GATA6: variants seen among roughly 807,000 people sequenced by gnomAD.
GATA6 encodes the protein GATA binding protein 6.
Under a neutral mutation model 48.1 loss-of-function variants are expected in GATA6, and 11 were observed. That is an observed-to-expected ratio of 0.23 (90% CI 0.14 to 0.38). The LOEUF is 0.38. GATA6 is among the 10% of genes least tolerant of loss of function. The pLI is 1.00. For missense variants in GATA6, 795 were observed against 850.3 expected, an observed-to-expected ratio of 0.93 and a Z score of 0.81; for synonymous variants, 419 against 396.1, an observed-to-expected ratio of 1.06 and a Z score of -0.69.
rs747871809 is a variant in GATA6 at position 22,171,166 on chromosome 18, T to C, written c.22T>C (p.Trp8Arg). MALTDGG[W>R]CLPKRFGAAG... ...GTGGATGGCCTTGACTGACGGCGGCTGGTGCTTGCCGAAGCGCTTCGGGGC... is the reference window on the plus strand; with the variant it reads ...GTGGATGGCCTTGACTGACGGCGGCCGGTGCTTGCCGAAGCGCTTCGGGGC... Residue 8 changes from tryptophan to arginine, a missense_variant, in exon 2 of 7, where the codon TGG (tryptophan) becomes CGG (arginine). By Grantham distance (101) the Trp-to-Arg change is moderately radical. This residue lies in a region of GATA6 where 591 missense variants were observed against 570.0 expected (regional missense o/e 1.04). Coordinates refer to ENST00000269216, the MANE Select transcript of GATA6 (RefSeq NM_005257.6). The surrounding 1 kb of genome is among the most constrained non-coding windows in gnomAD (Gnocchi z 7.1). 1.1e-5 allele frequency: 18 copies of C among 1,599,922 alleles called. No homozygotes were observed.
At chr18:22,198,397 G>A (rs1263979488) in intron 6 of GATA6, among the ~76,000 whole-genome samples, 1 of 152,176 alleles carries the variant, frequency 6.6e-6, no homozygotes, top group African/African-American at 2.4e-5. Context: ...TGCTGGCTGT[G>A]GTGGTGGTGA....
At chr18:22,195,988 G>A (rs891572425) in intron 6 of GATA6, among the ~76,000 whole-genome samples, 5 of 152,128 alleles carry the variant, frequency 3.3e-5, no homozygotes, top group Admixed American at 6.6e-5. Context: ...GCGAAGTAGG[G>A]TCTAAACTTC....
At chr18:22,199,195 C>T (rs1397661125) in intron 6 of GATA6, among the ~76,000 whole-genome samples, 3 of 152,114 alleles carry the variant, frequency 2.0e-5, no homozygotes, top group African/African-American at 4.8e-5. Context: ...ACTTGCAGGC[C>T]GTGGAGGCTC....
rs1458344666 is a variant in GATA6, at chr18:22,171,929, G to A, written c.785G>A (p.Arg262His). ...AGSAAAHVSA[R>H]FPYSPSPPMA... ...TCAGCCGCGGCGCACGTCTCGGCGC[G>A]CTTCCCCTACTCTCCCAGCCCGCCC... The change falls in exon 2 of 7, where the codon CGC becomes CAC. Residue 262 changes from arginine to histidine, a missense_variant. Coordinates refer to ENST00000269216, the MANE Select transcript of GATA6 (RefSeq NM_005257.6). This position sits in a 1 kb window ranked among gnomAD's most constrained non-coding sequence, Gnocchi z 7.1. 5 of 1,185,152 alleles carry A rather than the reference G, an allele frequency of 4.2e-6. No individual in the cohort carries two copies. In the East Asian group the frequency reaches 1.1e-4, roughly 26 times the overall value. The allele number at this position is 1,185,152 out of a possible 1,614,324, so 73.4% of individuals were successfully genotyped here. A position where few individuals can be genotyped will look rare whatever the true frequency, so the allele number is the denominator to read the frequency against.
intron 2 of GATA6, among the ~76,000 whole-genome samples, chr18:22,176,096 G>GAAT (rs1029489718): frequency 6.6e-6 from 1 of 151,996 alleles, no homozygotes; most frequent in African/African-American, 2.4e-5. Context: ...ACTAACCAAA[G>GAAT]AATAATAATA....
chr18:22,201,994 T>C lies in GATA6; in HGVS notation c.*1171T>C, dbSNP rs1012201467. The C allele has an allele frequency of 3.3e-5, 5 of 152,230 alleles. No individual in the cohort carries two copies. Among genetic ancestry groups the C allele is most frequent in the African/African-American group, 1.2e-4 (5 of 41,468 alleles). 9.4% of individuals were successfully genotyped at this position (152,230 alleles called of 1,614,324 possible). On this transcript the variant is annotated 3_prime_UTR_variant, in exon 7 of 7. Coordinates refer to ENST00000269216, the MANE Select transcript of GATA6 (RefSeq NM_005257.6). ...TTTTGTCTTCTGTACAGTGAGTTCC[T>C]TCCCTTTTCAAAGCTTTCTTTTTAT...
At chr18:22,196,157 A>C (rs2033386488) in intron 6 of GATA6, among the ~76,000 whole-genome samples, 1 of 152,216 alleles carries the variant, frequency 6.6e-6, no homozygotes. Context: ...ATGTACACAT[A>C]AAATAAGGCT....
chr18:22,186,899 A>G (rs1253640424), intron 6 of GATA6, among the ~76,000 whole-genome samples: 2 of 152,180 alleles, frequency 1.3e-5, no homozygotes, highest in Non-Finnish European at 2.9e-5. Context: ...TTGCCACCTT[A>G]TGACTCAGTT....
At position 22,171,258 on chromosome 18, in the gene GATA6, C is replaced by T. The variant is rs2033036391; in HGVS notation, c.114C>T (p.Pro38=). 1 of 1,598,324 alleles carries T rather than the reference C, an allele frequency of 6.3e-7. No individual in the cohort carries two copies. Among genetic ancestry groups the T allele is most frequent in the Non-Finnish European group, 8.5e-7 (1 of 1,178,852 alleles). Residue 38 remains proline, a synonymous_variant, in exon 2 of 7, where the codon CCC becomes CCT. Transcript: ENST00000269216. This position sits in a 1 kb window ranked among gnomAD's most constrained non-coding sequence, Gnocchi z 7.1. ...GGGAGCCCTCCACGCCGCCTTCCCC[C>T]ATCTCTTCCTCGTCCTCCTCCTGCT... The part of the protein sequence containing the change: ...PAREPSTPPS[P]ISSSSSSCSR...
chr18:22,200,117 T>C (rs1483223454), intron 6 of GATA6, among the ~76,000 whole-genome samples: 1 of 152,194 alleles, frequency 6.6e-6, no homozygotes, highest in African/African-American at 2.4e-5. Context: ...AATGTTGAAC[T>C]GTGCAGCTTT....
In GATA6 at chr18:22,201,898, A is replaced by AT. The variant is rs910467998; in HGVS notation, c.*1086dup. ...CCCACAGGCAGGTTGGTTTACATTAATTTTTTTTTTTGAATGGGATGTCCT... is the reference window on the plus strand; with the variant it reads ...CCCACAGGCAGGTTGGTTTACATTAATTTTTTTTTTTTGAATGGGATGTCCT... On this transcript the variant is annotated 3_prime_UTR_variant, in exon 7 of 7. Coordinates refer to ENST00000269216, the MANE Select transcript of GATA6 (RefSeq NM_005257.6). 52 of 149,404 alleles carry AT rather than the reference A, an allele frequency of 3.5e-4. No homozygotes were observed. The highest frequency in any genetic ancestry group is 4.8e-4 in the Non-Finnish European group (32 of 66,982). The allele number at this position is 149,404 out of a possible 1,614,324, so 9.3% of individuals were successfully genotyped here. A position where few individuals can be genotyped will look rare whatever the true frequency, so the allele number is the denominator to read the frequency against.
Position 22,200,541 on chromosome 18 carries a change from G to T in GATA6, c.1621-115G>T, listed in dbSNP as rs760254721. 5 of 1,318,696 alleles carry T rather than the reference G, an allele frequency of 3.8e-6. No homozygotes were observed. In the African/African-American group the frequency reaches 4.3e-5, roughly 11 times the overall value. The allele number at this position is 1,318,696 out of a possible 1,614,324, so 81.7% of individuals were successfully genotyped here. A position where few individuals can be genotyped will look rare whatever the true frequency, so the allele number is the denominator to read the frequency against. On this transcript the variant is annotated intron_variant, in intron 6 of 6. Transcript: ENST00000269216. ...TCTCCTGCCCTGGGTCTGCCCAGGA[G>T]CAGCTCTGGCCCTGGCTGCACAGAC...
chr18:22,192,149 C>T (rs1020727871), intron 6 of GATA6, among the ~76,000 whole-genome samples: 1 of 152,172 alleles, frequency 6.6e-6, no homozygotes, highest in Non-Finnish European at 1.5e-5. Flanking sequence ...AGCAGCCAGG[C>T]GCTAGCTCCA....
At chr18:22,195,874 T>G (rs1486973553) in intron 6 of GATA6, among the ~76,000 whole-genome samples, 2 of 152,250 alleles carry the variant, frequency 1.3e-5, no homozygotes, top group Non-Finnish European at 2.9e-5. Flanking sequence ...TTCTATAGTT[T>G]CTACTATTAG....
rs763212997 is a variant in GATA6 at position 22,185,715 on chromosome 18, C to G, written c.1620+2672C>G. On this transcript the variant is annotated intron_variant, in intron 6 of 6. Transcript: ENST00000269216. The surrounding 1 kb of genome is among the most constrained non-coding windows in gnomAD (Gnocchi z 4.3). ...TCTGCTGGCTGCCTTTGGAAGCTGT[C>G]CCCCTGTAAGAATACCTGTAGTAGG... 2.0e-5 allele frequency among the ~76,000 whole-genome samples: 3 copies of G among 152,222 alleles called. No individual in the cohort carries two copies. The highest frequency in any genetic ancestry group is 2.9e-5 in the Non-Finnish European group (2 of 68,030).
At chr18:22,184,422 C>T (rs1224594413) in intron 6 of GATA6, among the ~76,000 whole-genome samples, 2 of 151,520 alleles carry the variant, frequency 1.3e-5, no homozygotes, top group Non-Finnish European at 2.9e-5. Context: ...GTTTTACAGG[C>T]AGGTTAGATG....
At chr18:22,196,409 A>C (rs1450702681) in intron 6 of GATA6, among the ~76,000 whole-genome samples, 1 of 152,204 alleles carries the variant, frequency 6.6e-6, no homozygotes, top group Admixed American at 6.5e-5. Context: ...AATAACATTC[A>C]GGGTGTTAAC....
At chr18:22,195,144 C>T (rs561278485) in intron 6 of GATA6, among the ~76,000 whole-genome samples, 29 of 152,220 alleles carry the variant, frequency 1.9e-4, no homozygotes, top group Non-Finnish European at 2.2e-4. Context: ...CCAGCCTGGG[C>T]GACAGAGTGA....
At chr18:22,181,202 A>G (rs2033191170) in intron 3 of GATA6, among the ~76,000 whole-genome samples, 1 of 152,192 alleles carries the variant, frequency 6.6e-6, no homozygotes, top group Admixed American at 6.5e-5. Context: ...GTATTCTTGA[A>G]TTCACGGAGA....
Sources: gnomAD v4.1 joint callset for allele counts (sites outside exome capture counted in the v4.1 genomes callset) on GRCh38, gnomAD v4.1.1 for gene constraint, gnomAD v4.1.1 regional missense constraint, Gnocchi (gnomAD v3.1) non-coding constraint, MANE v1.5 for transcripts, NCBI Gene and HGNC (gene_info 2026-07-23, HGNC 2026-07-21) for gene names.